Variants in OTUD7A observed in about 807,000 individuals in gnomAD.
OTUD7A encodes the protein OTU deubiquitinase 7A, also known as OTU domain-containing protein 7A.
A neutral mutation model predicts 65.7 loss-of-function variants in OTUD7A; 12 were observed. The observed-to-expected ratio is 0.18, with a 90% CI of 0.12 to 0.30. The LOEUF (loss-of-function observed/expected upper bound fraction) is 0.30, where lower values mean the gene tolerates loss of function less well. Ranked by LOEUF, OTUD7A falls within the 10% of genes least tolerant of loss-of-function variation. The pLI is 1.00. For synonymous variants in OTUD7A, 641 were observed against 586.3 expected, an observed-to-expected ratio of 1.09 and a Z score of -1.35; for missense variants, 1,148 against 1,304.8, an observed-to-expected ratio of 0.88 and a Z score of 1.85.
rs181303868 is a variant in OTUD7A, at chr15:31,554,669, C to T, written c.550+4300G>A. On this transcript the variant is annotated intron_variant, in intron 5 of 12. Coordinates refer to ENST00000307050, the MANE Select transcript of OTUD7A (RefSeq NM_001382637.1). ...TACACAAAAATGCCTCTGCCCTCTGCCCCCAGACACACTGAAGAACCACAC... is the reference window on the plus strand; with the variant it reads ...TACACAAAAATGCCTCTGCCCTCTGTCCCCAGACACACTGAAGAACCACAC... 1.6e-3 allele frequency among the ~76,000 whole-genome samples: 251 copies of T among 152,292 alleles called. 1 individual carries two copies. The highest frequency in any genetic ancestry group is 5.7e-3 in the African/African-American group (236 of 41,550).
In OTUD7A at chr15:31,483,885, C is replaced by T. The variant is rs1244661484; in HGVS notation, c.2211G>A (p.Ala737=). 4 of 994,986 alleles carry T rather than the reference C, an allele frequency of 4.0e-6. No individual in the cohort carries two copies. The highest frequency in any genetic ancestry group is 1.8e-5 in the African/African-American group (1 of 56,692). The allele number at this position is 994,986 out of a possible 1,614,324, so 61.6% of individuals were successfully genotyped here. ...CCGCCGCCCGCGCCGCACGCCCTGC[C>T]GCGGGCCCGGGGCTCGGCCGCTCCT... ...KLKERPSPGP[A]AGRAARAAAG... The change falls in exon 13 of 13, where the codon GCG becomes GCA. Residue 737 remains alanine, a synonymous_variant. Transcript: ENST00000307050.
chr15:31,800,913 C>A (rs1326561199), intron 1 of OTUD7A, among the ~76,000 whole-genome samples: 7 of 152,160 alleles, frequency 4.6e-5, no homozygotes, highest in African/African-American at 1.7e-4. Context: ...CTGCTGTGCA[C>A]ATGGGCATCC....
chr15:31,640,932 C>T (rs184378924), intron 3 of OTUD7A, among the ~76,000 whole-genome samples: 4 of 152,208 alleles, frequency 2.6e-5, no homozygotes, highest in Admixed American at 2.6e-4. Flanking sequence ...TCATGTTGAA[C>T]ATTTGATCAA....
At position 31,865,004 on chromosome 15, in the gene OTUD7A, A is replaced by G. The variant is rs2141021029; in HGVS notation, c.-100+5503T>C. Among the ~76,000 whole-genome samples the G allele has an allele frequency of 2.1e-5, 3 of 145,624 alleles. No homozygotes were observed. In the South Asian group the frequency reaches 6.6e-4, roughly 32 times the overall value. On this transcript the variant is annotated intron_variant, in intron 1 of 12. Coordinates refer to ENST00000307050, the MANE Select transcript of OTUD7A (RefSeq NM_001382637.1). The stretch of plus-strand genomic sequence containing the variant: ...CACCCTAAAGCCTACAGGATGGCCC[A>G]AGAGATATTCTGCCCTTGTGGCCCC...
intron 1 of OTUD7A, among the ~76,000 whole-genome samples, chr15:31,864,909 A>C (rs116076223): frequency 2.0e-5 from 3 of 152,210 alleles, no homozygotes; most frequent in Non-Finnish European, 2.9e-5. Flanking sequence ...TACTGTCTCC[A>C]GTTCCTTTTA....
At chr15:31,805,729 A>G (rs1324349074) in intron 1 of OTUD7A, among the ~76,000 whole-genome samples, 1 of 152,196 alleles carries the variant, frequency 6.6e-6, no homozygotes, top group African/African-American at 2.4e-5. Context: ...GAGCTGCCTG[A>G]GGTCCCTGAC....
chr15:31,503,575 CAG>C (rs2041507626), intron 9 of OTUD7A, 114 bp downstream of exon 9: 2 of 1,369,970 alleles, frequency 1.5e-6, no homozygotes, highest in Admixed American at 3.5e-5. Flanking sequence ...GATCTTTGCA[CAG>C]AGTGATGCTT....
At chr15:31,686,446 C>T (rs1293445159) in intron 1 of OTUD7A, among the ~76,000 whole-genome samples, 2 of 152,254 alleles carry the variant, frequency 1.3e-5, no homozygotes, top group Non-Finnish European at 2.9e-5. Context: ...TCAAGTGAAA[C>T]TCAGTGATTT....
rs1895579057 is a variant in OTUD7A, at chr15:31,782,934, A to G, written c.-100+87573T>C. On this transcript the variant is annotated intron_variant, in intron 1 of 12. Transcript: ENST00000307050. ...GCAGAAAGTTCTGAGCTGGAGGTGTAGCTTGGGGAACCTGCACAAAACTGG... is the reference window on the plus strand; with the variant it reads ...GCAGAAAGTTCTGAGCTGGAGGTGTGGCTTGGGGAACCTGCACAAAACTGG... 2.0e-5 allele frequency among the ~76,000 whole-genome samples: 3 copies of G among 152,148 alleles called. No individual in the cohort carries two copies. In the South Asian group the frequency reaches 6.2e-4, roughly 32 times the overall value.
intron 1 of OTUD7A, among the ~76,000 whole-genome samples, chr15:31,713,532 T>C (rs141652497): frequency 0.021 from 3,144 of 151,922 alleles, 97 homozygotes; most frequent in African/African-American, 0.072. Flanking sequence ...GGCAGAAGAA[T>C]CGCTTAAACC....
At chr15:31,503,199 G>C (rs2041498873) in intron 9 of OTUD7A, among the ~76,000 whole-genome samples, 1 of 152,232 alleles carries the variant, frequency 6.6e-6, no homozygotes, top group African/African-American at 2.4e-5. Flanking sequence ...TGTGGCTTTT[G>C]GTGGGCAGGC....
intron 1 of OTUD7A, among the ~76,000 whole-genome samples, chr15:31,691,207 C>T (rs1892953773): frequency 6.6e-6 from 1 of 152,142 alleles, no homozygotes; most frequent in African/African-American, 2.4e-5. Context: ...ATCAAAATAC[C>T]AATGACATTC....
At position 31,771,390 on chromosome 15, in the gene OTUD7A, G is replaced by A. The variant is rs561273628; in HGVS notation, c.-100+99117C>T. 2.4e-4 allele frequency among the ~76,000 whole-genome samples: 36 copies of A among 152,240 alleles called. 1 individual carries two copies. The South Asian group carries it at 6.9e-3, about 29-fold the overall frequency. Reference sequence around the variant, plus strand: ...TTTCAAATCCACATCCACTGGCAACGGCCCATGAACCATCTCCCTTCCCAC... The same window carrying A: ...TTTCAAATCCACATCCACTGGCAACAGCCCATGAACCATCTCCCTTCCCAC... On this transcript the variant is annotated intron_variant, in intron 1 of 12. Coordinates refer to ENST00000307050, the MANE Select transcript of OTUD7A (RefSeq NM_001382637.1).
chr15:31,764,845 A>G (rs933912384), intron 1 of OTUD7A, among the ~76,000 whole-genome samples: 5 of 152,122 alleles, frequency 3.3e-5, no homozygotes, highest in Admixed American at 6.5e-5. Context: ...TAGCTTAGAG[A>G]CCTGTTCCAT....
Position 31,783,774 on chromosome 15 carries a change from T to C in OTUD7A, c.-100+86733A>G, listed in dbSNP as rs145722947. ...TCCTCACCTTCTATTCATCAAAGCA[T>C]ACTTGCAGGGTTTGAAAGAATAACT... is the stretch of plus-strand genomic sequence containing the variant. On this transcript the variant is annotated intron_variant, in intron 1 of 12. Transcript: ENST00000307050. Among the ~76,000 whole-genome samples, 108 of 152,320 alleles carry C rather than the reference T, an allele frequency of 7.1e-4. No individual in the cohort carries two copies. In the Middle Eastern group the frequency reaches 0.01, roughly 14 times the overall value.
chr15:31,734,640 A>C (rs1406652457), intron 1 of OTUD7A, among the ~76,000 whole-genome samples: 1 of 152,122 alleles, frequency 6.6e-6, no homozygotes, highest in African/African-American at 2.4e-5. Context: ...ACCTGACAAA[A>C]ACAAGGAACG....
chr15:31,841,393 GC>G (rs1383503741), intron 1 of OTUD7A, among the ~76,000 whole-genome samples: 1 of 152,184 alleles, frequency 6.6e-6, no homozygotes, highest in Non-Finnish European at 1.5e-5. Flanking sequence ...CTGAAACACA[GC>G]CCTGACGATG....
chr15:31,581,883 C>T (rs1043812526), intron 3 of OTUD7A, among the ~76,000 whole-genome samples: 4 of 152,208 alleles, frequency 2.6e-5, no homozygotes, highest in South Asian at 2.1e-4. Context: ...CTTGAGTTTC[C>T]CCCCAGATAA....
chr15:31,503,539 G>T, intron 9 of OTUD7A, 152 bp downstream of exon 9: 1 of 1,080,782 alleles, frequency 9.3e-7, no homozygotes, highest in Non-Finnish European at 1.4e-6. Flanking sequence ...GCTGCCATCA[G>T]GGAGGAGAAA....
Sources: allele counts gnomAD v4.1 joint callset (sites outside exome capture counted in the v4.1 genomes callset), GRCh38; gene constraint gnomAD v4.1.1; transcripts MANE v1.5; gene names NCBI Gene and HGNC (gene_info 2026-07-23, HGNC 2026-07-21).